Variants in PITPNC1 observed in about 807,000 individuals in gnomAD.
PITPNC1 encodes the protein phosphatidylinositol transfer protein cytoplasmic 1, also known as cytoplasmic phosphatidylinositol transfer protein 1.
A neutral mutation model predicts 44.7 loss-of-function variants in PITPNC1; 18 were observed. The ratio of observed to expected loss-of-function variants is 0.40; its 90% confidence interval spans 0.28 to 0.60. The LOEUF (loss-of-function observed/expected upper bound fraction) is 0.60, where lower values mean the gene tolerates loss of function less well. PITPNC1 is among the 20% of genes least tolerant of loss of function. PITPNC1 has a pLI of 0.39. For synonymous variants in PITPNC1, 141 were observed against 149.6 expected (o/e 0.94, Z 0.42); for missense variants, 290 against 418.4 (o/e 0.69, Z 2.68).
intron 1 of PITPNC1, among the ~76,000 whole-genome samples, chr17:67,509,888 C>T (rs1301246206): frequency 1.3e-5 from 2 of 152,148 alleles, no homozygotes; most frequent in East Asian, 1.9e-4. Context: ...GACGTCATTT[C>T]TATGAATGGA....
At chr17:67,405,881 A>G (rs952049080) in intron 1 of PITPNC1, among the ~76,000 whole-genome samples, 3 of 152,152 alleles carry the variant, frequency 2.0e-5, no homozygotes, top group Non-Finnish European at 4.4e-5. Flanking sequence ...TGCTGGGATT[A>G]CAAGTGTGAG....
chr17:67,577,769 A>G (rs1458508371), intron 4 of PITPNC1, among the ~76,000 whole-genome samples: 1 of 152,166 alleles, frequency 6.6e-6, no homozygotes, highest in East Asian at 1.9e-4. Flanking sequence ...CCCCTTGCTA[A>G]TGTTATATGA....
intron 1 of PITPNC1, among the ~76,000 whole-genome samples, chr17:67,425,968 G>A (rs1352670333): frequency 6.6e-6 from 1 of 152,148 alleles, no homozygotes; most frequent in Non-Finnish European, 1.5e-5. Context: ...GTGTGACTGT[G>A]TTTCAATAAA....
At position 67,680,429 on chromosome 17, in the gene PITPNC1, G is replaced by A. The variant is rs61626574; in HGVS notation, c.682+4887G>A. ...AGCCTGGCCAACATGGTGAAACTCC[G>A]TCTCTACTGAAAATACAAAAGTTAG... is the stretch of plus-strand genomic sequence containing the variant. On this transcript the variant is annotated intron_variant, in intron 8 of 8. Coordinates refer to ENST00000581322, the MANE Select transcript of PITPNC1 (RefSeq NM_012417.4). Among the ~76,000 whole-genome samples the A allele has an allele frequency of 6.1e-3, 932 of 152,074 alleles. 8 individuals carry two copies. The highest frequency in any genetic ancestry group is 0.02 in the African/African-American group (847 of 41,484).
intron 2 of PITPNC1, 114 bp downstream of exon 2, chr17:67,533,064 G>T (rs1037480266): frequency 2.7e-6 from 2 of 753,116 alleles, no homozygotes; most frequent in African/African-American, 3.5e-5. Context: ...AAGTAACTAC[G>T]TCCACCGTCT....
intron 1 of PITPNC1, among the ~76,000 whole-genome samples, chr17:67,435,579 TG>T (rs1404981452): frequency 6.6e-6 from 1 of 152,158 alleles, no homozygotes; most frequent in Non-Finnish European, 1.5e-5. Flanking sequence ...TCAGGCCAGG[TG>T]CGGTGGCCTA....
intron 1 of PITPNC1, among the ~76,000 whole-genome samples, chr17:67,400,719 T>G (rs546366682): frequency 6.6e-6 from 1 of 151,752 alleles, no homozygotes; most frequent in Non-Finnish European, 1.5e-5. Context: ...TTCTTATAGC[T>G]GATGTACTCT....
At chr17:67,555,849 T>TA in intron 4 of PITPNC1, among the ~76,000 whole-genome samples, 1 of 151,710 alleles carries the variant, frequency 6.6e-6, no homozygotes, top group Non-Finnish European at 1.5e-5. Flanking sequence ...ATCTCAAAAA[T>TA]AAAAAATTAA....
At chr17:67,533,003 A>AT (rs2040483761) in intron 2 of PITPNC1, 53 bp downstream of exon 2, 2 of 1,472,232 alleles carry the variant, frequency 1.4e-6, no homozygotes, top group Admixed American at 1.9e-5. Flanking sequence ...ACCTGACCCC[A>AT]TGGTGTGACA....
intron 5 of PITPNC1, among the ~76,000 whole-genome samples, chr17:67,621,994 A>T (rs1438683911): frequency 1.3e-5 from 2 of 152,014 alleles, no homozygotes; most frequent in Non-Finnish European, 2.9e-5. Flanking sequence ...CCTAATATTT[A>T]AAAAAAGACT....
chr17:67,422,391 ATTAT>A (rs1436497005), intron 1 of PITPNC1, among the ~76,000 whole-genome samples: 1 of 151,990 alleles, frequency 6.6e-6, no homozygotes. Context: ...CAATTTCCTC[ATTAT>A]TTATTTTTTA....
intron 1 of PITPNC1, among the ~76,000 whole-genome samples, chr17:67,532,056 T>C (rs2040469337): frequency 6.6e-6 from 1 of 152,190 alleles, no homozygotes; most frequent in Admixed American, 6.5e-5. Flanking sequence ...ATATAGTATG[T>C]TGCTCCACAT....
At chr17:67,543,042 C>T (rs2040630333) in intron 2 of PITPNC1, among the ~76,000 whole-genome samples, 1 of 152,130 alleles carries the variant, frequency 6.6e-6, no homozygotes, top group Admixed American at 6.5e-5. Context: ...GAGGCTTTAG[C>T]AGTTAAGGTC....
intron 1 of PITPNC1, among the ~76,000 whole-genome samples, chr17:67,515,190 A>C (rs1598765396): frequency 6.6e-6 from 1 of 152,318 alleles, no homozygotes; most frequent in East Asian, 1.9e-4. Flanking sequence ...ATATGTCAGT[A>C]TGCAAATACC....
chr17:67,488,285 G>A (rs1025741735), intron 1 of PITPNC1, among the ~76,000 whole-genome samples: 3 of 152,234 alleles, frequency 2.0e-5, no homozygotes, highest in Non-Finnish European at 2.9e-5. Flanking sequence ...TAGGCGTGGA[G>A]CGCTTCGGAA....
intron 1 of PITPNC1, among the ~76,000 whole-genome samples, chr17:67,393,252 C>T (rs1330451880): frequency 6.6e-6 from 1 of 152,082 alleles, no homozygotes. Context: ...CCAGCCATCA[C>T]CACCGCCCAT....
intron 5 of PITPNC1, among the ~76,000 whole-genome samples, chr17:67,607,595 T>C (rs1333283754): frequency 6.6e-6 from 1 of 152,224 alleles, no homozygotes; most frequent in Non-Finnish European, 1.5e-5. Flanking sequence ...TGATTCTGGA[T>C]TCACCAATTG....
chr17:67,479,610 A>G (rs1316340627), intron 1 of PITPNC1, among the ~76,000 whole-genome samples: 1 of 152,222 alleles, frequency 6.6e-6, no homozygotes, highest in Non-Finnish European at 1.5e-5. Context: ...TTCTTGGAAC[A>G]AAGGACAAAC....
chr17:67,616,499 A>G (rs188744402), intron 5 of PITPNC1, among the ~76,000 whole-genome samples: 481 of 152,216 alleles, frequency 3.2e-3, no homozygotes, highest in Non-Finnish European at 5.2e-3. Context: ...TTGTTTTTCC[A>G]AACAGCATCT....
Sources: gnomAD v4.1 joint callset for allele counts (sites outside exome capture counted in the v4.1 genomes callset) on GRCh38, gnomAD v4.1.1 for gene constraint, MANE v1.5 for transcripts, NCBI Gene and HGNC (gene_info 2026-07-23, HGNC 2026-07-21) for gene names.